The following WWP1 variants were observed in gnomAD, a reference collection of about 807,000 sequenced individuals.
The protein encoded by WWP1 is NEDD4-like E3 ubiquitin-protein ligase WWP1.
In WWP1, 49 loss-of-function variants were observed where a neutral mutation model predicts 130.6. The observed-to-expected ratio is 0.38, with a 90% CI of 0.30 to 0.48. WWP1 has a LOEUF of 0.48. WWP1 is among the 20% of genes least tolerant of loss of function. WWP1 has a pLI of 0.99. For missense variants in WWP1, 809 were observed against 1,100.6 expected (o/e 0.74, Z 3.75); for synonymous variants, 332 against 367.8 (o/e 0.90, Z 1.11).
At chr8:86,434,518 C>T (rs1425147270) in intron 14 of WWP1, among the ~76,000 whole-genome samples, 2 of 152,204 alleles carry the variant, frequency 1.3e-5, no homozygotes, top group African/African-American at 4.8e-5. Flanking sequence ...ACTCCTTTTA[C>T]CCTTTTGAAA....
intron 21 of WWP1, among the ~76,000 whole-genome samples, chr8:86,456,076 T>A (rs1811427602): frequency 6.6e-6 from 1 of 151,982 alleles, no homozygotes; most frequent in South Asian, 2.1e-4. Context: ...AAATTAACTA[T>A]AAGCCTACCT....
intron 9 of WWP1, among the ~76,000 whole-genome samples, chr8:86,417,627 T>G (rs1255685190): frequency 6.6e-6 from 1 of 152,216 alleles, no homozygotes; most frequent in Non-Finnish European, 1.5e-5. Flanking sequence ...ATACTTGAAG[T>G]TAACTCAGGA....
At chr8:86,352,630 A>G (rs944766708) in intron 1 of WWP1, among the ~76,000 whole-genome samples, 1 of 152,012 alleles carries the variant, frequency 6.6e-6, no homozygotes, top group African/African-American at 2.4e-5. Context: ...CTCTCTCCCA[A>G]TGTGCTGGGA....
intron 1 of WWP1, among the ~76,000 whole-genome samples, chr8:86,345,691 G>A (rs766385662): frequency 4.6e-5 from 7 of 151,990 alleles, no homozygotes; most frequent in African/African-American, 1.2e-4. Flanking sequence ...GGATTACAGC[G>A]TAAGCCACCC....
At chr8:86,357,970 G>C (rs934977687) in intron 1 of WWP1, among the ~76,000 whole-genome samples, 3 of 152,128 alleles carry the variant, frequency 2.0e-5, no homozygotes, top group African/African-American at 7.2e-5. Flanking sequence ...GAAAATTTGT[G>C]TTGTATTCCA....
intron 22 of WWP1, among the ~76,000 whole-genome samples, 173 bp from the exon 23 acceptor site, chr8:86,461,051 C>T (rs908620827): frequency 2.6e-5 from 4 of 151,896 alleles, no homozygotes; most frequent in Non-Finnish European, 4.4e-5. Flanking sequence ...CCTCGTGATC[C>T]GCCTGCTTCG....
chr8:86,408,144 G>A (rs143616789), intron 8 of WWP1, among the ~76,000 whole-genome samples: 1 of 152,142 alleles, frequency 6.6e-6, no homozygotes, highest in Non-Finnish European at 1.5e-5. Flanking sequence ...GAGTCCTACA[G>A]TGTGGGTAGC....
chr8:86,355,539 T>G (rs2130146811), intron 1 of WWP1, among the ~76,000 whole-genome samples: 1 of 152,334 alleles, frequency 6.6e-6, no homozygotes, highest in South Asian at 2.1e-4. Context: ...TGGAAATGTT[T>G]GTGTCATTTT....
At chr8:86,353,631 T>C (rs1370547926) in intron 1 of WWP1, among the ~76,000 whole-genome samples, 1 of 152,130 alleles carries the variant, frequency 6.6e-6, no homozygotes, top group Non-Finnish European at 1.5e-5. Context: ...TAGCTGGGAT[T>C]ATAGGTACGT....
intron 21 of WWP1, among the ~76,000 whole-genome samples, chr8:86,456,181 GA>G (rs939787269): frequency 6.6e-6 from 1 of 151,888 alleles, no homozygotes; most frequent in Non-Finnish European, 1.5e-5. Context: ...ATGTGAAAGT[GA>G]AAAACATAAG....
chr8:86,389,770 C>T (rs567841200), intron 5 of WWP1, among the ~76,000 whole-genome samples: 15 of 146,046 alleles, frequency 1.0e-4, no homozygotes, highest in South Asian at 2.3e-4. Flanking sequence ...CCGGATGGGG[C>T]GGCTGCCCGG....
intron 11 of WWP1, among the ~76,000 whole-genome samples, chr8:86,429,123 A>G (rs1430830522): frequency 6.6e-6 from 1 of 152,060 alleles, no homozygotes; most frequent in Non-Finnish European, 1.5e-5. Context: ...TCGTTTATAT[A>G]CTCTGCACTA....
chr8:86,410,540 G>C (rs568152017), intron 8 of WWP1, among the ~76,000 whole-genome samples: 1 of 152,174 alleles, frequency 6.6e-6, no homozygotes, highest in Non-Finnish European at 1.5e-5. Flanking sequence ...TAAAAATGCA[G>C]ATCCCCAGGT....
chr8:86,460,741 G>A (rs1346804855), intron 22 of WWP1, among the ~76,000 whole-genome samples: 1 of 142,900 alleles, frequency 7.0e-6, no homozygotes, highest in Non-Finnish European at 1.5e-5. Context: ...ACTTAGCATA[G>A]TGCCCAACCT....
At chr8:86,370,855 C>CTTTT (rs555585296) in intron 2 of WWP1, among the ~76,000 whole-genome samples, 620 of 44,888 alleles carry the variant, frequency 0.014, 148 homozygotes, top group African/African-American at 0.026. Context: ...TATATTCATT[C>CTTTT]TTTTTTTTTT....
At chr8:86,387,434 TTC>T (rs903262874) in intron 5 of WWP1, among the ~76,000 whole-genome samples, 30 of 152,224 alleles carry the variant, frequency 2.0e-4, no homozygotes, top group Admixed American at 7.2e-4. Context: ...TTAAAATATA[TTC>T]TTTTATAATC....
At chr8:86,461,624 TTTC>T (rs1311977328) in intron 23 of WWP1, 147 bp from the exon 24 acceptor site, 3 of 683,150 alleles carry the variant, frequency 4.4e-6, no homozygotes, top group East Asian at 5.2e-5. Context: ...CTGCAACAAT[TTTC>T]TTCTTCAGGC....
chr8:86,402,180 C>T lies in WWP1; in HGVS notation c.701C>T (p.Ala234Val), dbSNP rs1241979658. 2.6e-5 allele frequency: 42 copies of T among 1,613,414 alleles called. No homozygotes were observed. The highest frequency in any genetic ancestry group is 3.1e-5 in the Non-Finnish European group (37 of 1,179,816). Reference sequence around the variant, plus strand: ...AATACACCAGCTCCAAAACCACTCGCATCTGAGCCTGCCGATGACACTGGT... The same window carrying T: ...AATACACCAGCTCCAAAACCACTCGTATCTGAGCCTGCCGATGACACTGGT... ...PKNTPAPKPL[A>V]SEPADDTVNG... Residue 234 changes from alanine (A) to valine (V), a missense_variant, in exon 8 of 25, where the codon GCA becomes GTA. By Grantham distance (64) the Ala-to-Val change is moderately conservative. Around this residue, in one of 3 missense-constraint regions of WWP1, gnomAD observed 262 missense variants for 346.0 expected, o/e 0.76. Transcript: ENST00000517970.
chr8:86,398,879 T>C (rs968508311), intron 7 of WWP1, among the ~76,000 whole-genome samples: 1 of 152,210 alleles, frequency 6.6e-6, no homozygotes, highest in Non-Finnish European at 1.5e-5. Flanking sequence ...GTTTTTAATA[T>C]ATTAAGAGAG....
Sources: allele counts gnomAD v4.1 joint callset (sites outside exome capture counted in the v4.1 genomes callset), GRCh38; gene constraint gnomAD v4.1.1; regional missense constraint gnomAD v4.1.1; transcripts MANE v1.5; gene names NCBI Gene and HGNC (gene_info 2026-07-23, HGNC 2026-07-21).